GALNT13: variants seen among roughly 807,000 people sequenced by gnomAD.
GALNT13 encodes the protein polypeptide N-acetylgalactosaminyltransferase 13.
A neutral mutation model predicts 64.2 loss-of-function variants in GALNT13; 28 were observed. The observed-to-expected ratio is 0.44, with a 90% CI of 0.32 to 0.60. GALNT13 has a LOEUF of 0.60. GALNT13 is among the 20% of genes least tolerant of loss of function. GALNT13 has a pLI of 0.05. For missense variants in GALNT13, 577 were observed against 669.8 expected (o/e 0.86, Z 1.53); for synonymous variants, 214 against 224.6 (o/e 0.95, Z 0.42).
At chr2:153,339,913 T>C in the GALNT13 span, among the ~76,000 whole-genome samples, 3 of 152,318 alleles carry the variant, frequency 2.0e-5, no homozygotes, top group South Asian at 4.1e-4. Context: ...TAACCATAAA[T>C]GTGTATATTT....
the GALNT13 span, among the ~76,000 whole-genome samples, chr2:153,187,024 A>C: frequency 2.0e-5 from 3 of 152,238 alleles, no homozygotes; most frequent in African/African-American, 7.2e-5. Flanking sequence ...CAAGATTGCC[A>C]TAAGAATTAG....
At chr2:154,311,579 A>G (rs1694042041) in intron 9 of GALNT13, among the ~76,000 whole-genome samples, 1 of 152,192 alleles carries the variant, frequency 6.6e-6, no homozygotes, top group African/African-American at 2.4e-5. Flanking sequence ...AAAATTGCTA[A>G]TGAAGTTTTG....
At chr2:154,405,032 G>A (rs759330383) in intron 10 of GALNT13, among the ~76,000 whole-genome samples, 48 of 152,086 alleles carry the variant, frequency 3.2e-4, no homozygotes, top group Non-Finnish European at 6.8e-4. Context: ...GAAAAAGATA[G>A]TAAGAAGTAG....
At chr2:153,689,126 C>T in the GALNT13 span, among the ~76,000 whole-genome samples, 1 of 145,766 alleles carries the variant, frequency 6.9e-6, no homozygotes, top group African/African-American at 2.5e-5. Context: ...TATTGCTAAA[C>T]CATTTTCTGA....
the GALNT13 span, among the ~76,000 whole-genome samples, chr2:153,608,383 G>A: frequency 1.7e-3 from 252 of 152,162 alleles, 1 homozygote; most frequent in South Asian, 6.2e-3. Context: ...AAAGCAATAA[G>A]ATTATGTGGC....
chr2:153,412,264 T>C, the GALNT13 span, among the ~76,000 whole-genome samples: 1 of 152,186 alleles, frequency 6.6e-6, no homozygotes, highest in Admixed American at 6.5e-5. Context: ...AAAAAAAAGC[T>C]TGGGTTTTTT....
chr2:153,928,538 A>G (rs1217034914), intron 2 of GALNT13, among the ~76,000 whole-genome samples: 1 of 152,122 alleles, frequency 6.6e-6, no homozygotes, highest in Non-Finnish European at 1.5e-5. Context: ...CTTGAGGACT[A>G]TTAATGAACA....
the GALNT13 span, among the ~76,000 whole-genome samples, chr2:153,643,663 T>C: frequency 6.6e-6 from 1 of 151,832 alleles, no homozygotes; most frequent in Non-Finnish European, 1.5e-5. Flanking sequence ...AGAGTAGACA[T>C]GTAAGTCTGA....
chr2:153,364,860 T>C, the GALNT13 span, among the ~76,000 whole-genome samples: 1 of 152,134 alleles, frequency 6.6e-6, no homozygotes, highest in Non-Finnish European at 1.5e-5. Flanking sequence ...ACCATTGACA[T>C]TCTTGAAATG....
intron 9 of GALNT13, among the ~76,000 whole-genome samples, chr2:154,324,940 T>G (rs1694804659): frequency 6.6e-6 from 1 of 152,204 alleles, no homozygotes; most frequent in Non-Finnish European, 1.5e-5. Flanking sequence ...CGCAACCTTA[T>G]TTGTAAGATG....
rs188315596 is a variant in GALNT13, at chr2:154,381,367, C to A, written c.1157-14624C>A. On this transcript the variant is annotated intron_variant, in intron 9 of 12. Coordinates refer to ENST00000392825, the MANE Select transcript of GALNT13 (RefSeq NM_052917.4). Reference sequence around the variant, plus strand: ...CAAAGATCACTTTCCTCAGAGAAGACTTCCCTGACCACCCCTTCCTGACCA... The same window carrying A: ...CAAAGATCACTTTCCTCAGAGAAGAATTCCCTGACCACCCCTTCCTGACCA... 7.2e-5 allele frequency among the ~76,000 whole-genome samples: 11 copies of A among 152,194 alleles called. No individual in the cohort carries two copies. The East Asian group carries it at 2.1e-3, about 29-fold the overall frequency.
chr2:153,192,433 A>G, the GALNT13 span, among the ~76,000 whole-genome samples: 1 of 152,038 alleles, frequency 6.6e-6, no homozygotes, highest in Admixed American at 6.5e-5. Flanking sequence ...TTATTGAGAC[A>G]TGTTTTGTGG....
chr2:154,107,082 CAT>C (rs1264148635), intron 3 of GALNT13, among the ~76,000 whole-genome samples: 3 of 152,112 alleles, frequency 2.0e-5, no homozygotes, highest in Non-Finnish European at 2.9e-5. Context: ...GACCTTTGCA[CAT>C]GTCTACTCCC....
At chr2:153,695,243 A>C in the GALNT13 span, among the ~76,000 whole-genome samples, 1 of 152,172 alleles carries the variant, frequency 6.6e-6, no homozygotes, top group Non-Finnish European at 1.5e-5. Context: ...CTCCCAGAGG[A>C]AATTAGATAT....
chr2:154,097,077 C>A (rs1208612592), intron 3 of GALNT13, among the ~76,000 whole-genome samples: 3 of 151,966 alleles, frequency 2.0e-5, no homozygotes, highest in Non-Finnish European at 4.4e-5. Context: ...GAATTTACTG[C>A]CAATTTTAAG....
chr2:153,412,011 G>A, the GALNT13 span, among the ~76,000 whole-genome samples: 2 of 152,120 alleles, frequency 1.3e-5, no homozygotes, highest in Non-Finnish European at 2.9e-5. Flanking sequence ...AAGCAGGCAG[G>A]AAAAATTGAA....
chr2:154,422,237 A>G (rs951265107), intron 11 of GALNT13, among the ~76,000 whole-genome samples: 2 of 152,192 alleles, frequency 1.3e-5, no homozygotes, highest in Non-Finnish European at 2.9e-5. Flanking sequence ...CATCATGAAA[A>G]TACTTGGACT....
chr2:154,428,672 C>T (rs925416506), intron 11 of GALNT13, among the ~76,000 whole-genome samples: 20 of 152,236 alleles, frequency 1.3e-4, no homozygotes, highest in African/African-American at 4.8e-4. Context: ...ATTTTTCCAA[C>T]AGCATGTGCC....
At chr2:154,212,832 TG>T (rs984535176) in intron 4 of GALNT13, among the ~76,000 whole-genome samples, 4 of 151,818 alleles carry the variant, frequency 2.6e-5, no homozygotes, top group African/African-American at 4.8e-5. Flanking sequence ...CTTAATACAA[TG>T]TTTTTTTTTT....
Sources: allele counts gnomAD v4.1 joint callset (sites outside exome capture counted in the v4.1 genomes callset), GRCh38; gene constraint gnomAD v4.1.1; transcripts MANE v1.5; gene names NCBI Gene and HGNC (gene_info 2026-07-23, HGNC 2026-07-21).